Variants in GNAS-AS1 observed in about 807,000 individuals in gnomAD.
GNAS-AS1 encodes GNAS antisense RNA 1 (non-protein coding).
rs1346202606 is a variant in GNAS-AS1, at chr20:58,840,192, C to G, written n.819+1745G>C. The G allele has an allele frequency of 1.2e-6, 2 of 1,611,032 alleles. No individual in the cohort carries two copies. Among genetic ancestry groups the G allele is most frequent in the Non-Finnish European group, 1.7e-6 (2 of 1,179,858 alleles). On this transcript the variant is annotated intron_variant and non_coding_transcript_variant, in intron 4 of 4. Coordinates refer to ENST00000424094, the Ensembl canonical transcript of GNAS-AS1. The surrounding 1 kb of genome is among the most constrained non-coding windows in gnomAD (Gnocchi z 6.0). ...TGCCCGCCCATAGGCCGCCGGGCAGCCACCGCGCTCCTCTGGCTCTCCTGC... is the reference window on the plus strand; with the variant it reads ...TGCCCGCCCATAGGCCGCCGGGCAGGCACCGCGCTCCTCTGGCTCTCCTGC...
Position 58,840,246 on chromosome 20 carries a change from C to T in GNAS-AS1, n.819+1691G>A. 3.7e-6 allele frequency: 6 copies of T among 1,611,338 alleles called. No homozygotes were observed. Among genetic ancestry groups the T allele is most frequent in the Non-Finnish European group, 5.1e-6 (6 of 1,179,814 alleles). On this transcript the variant is annotated intron_variant and non_coding_transcript_variant, in intron 4 of 4. Coordinates refer to ENST00000424094, the Ensembl canonical transcript of GNAS-AS1. This position sits in a 1 kb window ranked among gnomAD's most constrained non-coding sequence, Gnocchi z 6.0. ...ATCGCGCTCCTCCGCGCCCTTGCCA[C>T]CTCCAACGCCCGTGCCCAGCAGCGC... is the stretch of plus-strand genomic sequence containing the variant.
intron 4 of GNAS-AS1, among the ~76,000 whole-genome samples, chr20:58,822,053 C>T (rs2085490813): frequency 6.6e-6 from 1 of 152,152 alleles, no homozygotes; most frequent in African/African-American, 2.4e-5. Context: ...TGGTAACTGC[C>T]CTAGCCATTT....
chr20:58,822,017 A>G (rs2085490573), intron 4 of GNAS-AS1, among the ~76,000 whole-genome samples: 1 of 152,156 alleles, frequency 6.6e-6, no homozygotes, highest in African/African-American at 2.4e-5. Flanking sequence ...AGGGAGGCCG[A>G]GGGATGCACA....
intron 4 of GNAS-AS1, among the ~76,000 whole-genome samples, chr20:58,821,188 C>T (rs1456642866): frequency 6.6e-6 from 1 of 152,238 alleles, no homozygotes; most frequent in Non-Finnish European, 1.5e-5. Flanking sequence ...CCCCTGCTCA[C>T]TTCCTGCAGC....
chr20:58,842,512 C>T (rs2085777959), exon 3 of GNAS-AS1: 1 of 398,604 alleles, frequency 2.5e-6, no homozygotes, highest in Non-Finnish European at 4.4e-6. Flanking sequence ...CGGGCTGCAG[C>T]GCAGACTGTG....
chr20:58,844,686 T>C (rs1488154579), intron 2 of GNAS-AS1, among the ~76,000 whole-genome samples: 1 of 10,434 alleles, frequency 9.6e-5, no homozygotes, highest in African/African-American at 2.4e-4. Context: ...ACACTAGTGA[T>C]TTAACCCTAA....
intron 2 of GNAS-AS1, chr20:58,842,657 G>A: frequency 5.0e-6 from 2 of 396,828 alleles, no homozygotes; most frequent in African/African-American, 2.1e-5. Context: ...CTTTTGGCTT[G>A]CCCCTAAGTC....
intron 4 of GNAS-AS1, among the ~76,000 whole-genome samples, chr20:58,836,880 T>C (rs555875609): frequency 6.6e-6 from 1 of 152,348 alleles, no homozygotes; most frequent in South Asian, 2.1e-4. Flanking sequence ...GTTAAATGTG[T>C]GTTTGCTGAT....
chr20:58,821,342 T>A (rs745312794), intron 4 of GNAS-AS1, among the ~76,000 whole-genome samples: 1 of 152,102 alleles, frequency 6.6e-6, no homozygotes, highest in Non-Finnish European at 1.5e-5. Flanking sequence ...AGCCATCACC[T>A]CGGACTCCTC....
intron 4 of GNAS-AS1, among the ~76,000 whole-genome samples, chr20:58,838,009 C>A (rs149361505): frequency 1.3e-5 from 2 of 152,246 alleles, no homozygotes; most frequent in Non-Finnish European, 2.9e-5. Flanking sequence ...TGGTGGGCCA[C>A]CCAGTGGTAG....
At chr20:58,827,946 C>T (rs2085531412) in intron 4 of GNAS-AS1, among the ~76,000 whole-genome samples, 1 of 152,174 alleles carries the variant, frequency 6.6e-6, no homozygotes, top group Non-Finnish European at 1.5e-5. Flanking sequence ...CGCAGTTACA[C>T]ATTATAGTTA....
rs2085674526 is a variant in GNAS-AS1, at chr20:58,840,452, G to T, written n.819+1485C>A. 6.2e-7 allele frequency: 1 copy of T among 1,613,318 alleles called. No individual in the cohort carries two copies. The highest frequency in any genetic ancestry group is 8.5e-7 in the Non-Finnish European group (1 of 1,179,790). On this transcript the variant is annotated intron_variant and non_coding_transcript_variant, in intron 4 of 4. Transcript: ENST00000424094. The surrounding 1 kb of genome is among the most constrained non-coding windows in gnomAD (Gnocchi z 6.0). ...CGACTACGAGACCGAGAGCGAGACC[G>T]AGTCCGAAATCGAGTCCGAGACCGA...
At chr20:58,845,109 G>A (rs1275964672) in intron 2 of GNAS-AS1, among the ~76,000 whole-genome samples, 1 of 152,162 alleles carries the variant, frequency 6.6e-6, no homozygotes, top group African/African-American at 2.4e-5. Context: ...GCAGGAGCAG[G>A]CAGCAAGGTT....
intron 4 of GNAS-AS1, among the ~76,000 whole-genome samples, chr20:58,829,434 C>T (rs1265558046): frequency 6.6e-6 from 1 of 152,208 alleles, no homozygotes; most frequent in Non-Finnish European, 1.5e-5. Flanking sequence ...AAAGGCTTCC[C>T]ATGGTTTATG....
intron 1 of GNAS-AS1, among the ~76,000 whole-genome samples, chr20:58,850,126 C>T (rs1179463357): frequency 3.3e-5 from 5 of 152,180 alleles, no homozygotes; most frequent in African/African-American, 1.2e-4. Context: ...CGTCTCCCAT[C>T]CCCCACTACC....
chr20:58,831,595 C>A (rs1222341495), intron 4 of GNAS-AS1, among the ~76,000 whole-genome samples: 3 of 151,862 alleles, frequency 2.0e-5, no homozygotes, highest in African/African-American at 7.3e-5. Flanking sequence ...TGAGCCACTG[C>A]ATTCCAGTCT....
In GNAS-AS1 at chr20:58,841,692, G is replaced by C. The variant is rs1288075595; in HGVS notation, n.819+245C>G. On this transcript the variant is annotated intron_variant and non_coding_transcript_variant, in intron 4 of 4. Transcript: ENST00000424094. The surrounding 1 kb of genome is among the most constrained non-coding windows in gnomAD (Gnocchi z 5.0). Reference sequence around the variant, plus strand: ...CTGGGGGAAAGGTAGAGGAGGTAAGGGGACCCTTGGGGATGCCCCTACGGG... The same window carrying C: ...CTGGGGGAAAGGTAGAGGAGGTAAGCGGACCCTTGGGGATGCCCCTACGGG... 6 of 1,200,108 alleles carry C rather than the reference G, an allele frequency of 5.0e-6. No individual in the cohort carries two copies. Among genetic ancestry groups the C allele is most frequent in the Non-Finnish European group, 6.2e-6 (6 of 967,916 alleles). The allele number at this position is 1,200,108 out of a possible 1,614,324, so 74.3% of individuals were successfully genotyped here. A position where few individuals can be genotyped will look rare whatever the true frequency, so the allele number is the denominator to read the frequency against.
At chr20:58,850,899 C>T in exon 1 of GNAS-AS1, 1 of 398,748 alleles carries the variant, frequency 2.5e-6, no homozygotes, top group South Asian at 1.3e-4. Flanking sequence ...ACGCGGCGCC[C>T]CCTATTGGAC....
At chr20:58,821,852 G>C (rs971814667) in intron 4 of GNAS-AS1, among the ~76,000 whole-genome samples, 1 of 152,088 alleles carries the variant, frequency 6.6e-6, no homozygotes, top group Non-Finnish European at 1.5e-5. Context: ...TTAACTCAGG[G>C]GCCGCCTGAG....
Sources: gnomAD v4.1 joint callset for allele counts (sites outside exome capture counted in the v4.1 genomes callset) on GRCh38, gnomAD v4.1.1 for gene constraint, Gnocchi (gnomAD v3.1) non-coding constraint, MANE v1.5 for transcripts, NCBI Gene and HGNC (gene_info 2026-07-23, HGNC 2026-07-21) for gene names.